EVI5: variants seen among roughly 807,000 people sequenced by gnomAD.
EVI5 encodes ecotropic viral integration site 5 protein homolog.
A neutral mutation model predicts 112.0 loss-of-function variants in EVI5; 73 were observed. That is an observed-to-expected ratio of 0.65 (90% CI 0.54 to 0.79). The LOEUF is 0.79. Among genes scored for constraint, EVI5 ranks in the 30% least tolerant of loss-of-function variants. The pLI is 0.00. For missense variants in EVI5, 900 were observed against 968.8 expected (o/e 0.93, Z 0.94); for synonymous variants, 305 against 319.9 (o/e 0.95, Z 0.50).
At chr1:92,562,732 C>A (rs1668821517) in intron 19 of EVI5, among the ~76,000 whole-genome samples, 1 of 152,172 alleles carries the variant, frequency 6.6e-6, no homozygotes, top group African/African-American at 2.4e-5. Context: ...AACTCTTAGA[C>A]TGACTACCTC....
rs188489582 is a variant in EVI5 at position 92,684,948 on chromosome 1, T to C, written c.1098-7730A>G. Among the ~76,000 whole-genome samples, 326 of 151,926 alleles carry C rather than the reference T, an allele frequency of 2.1e-3. 2 individuals are homozygous for C. Among genetic ancestry groups the C allele is most frequent in the African/African-American group, 6.7e-3 (276 of 41,390 alleles). The stretch of plus-strand genomic sequence containing the variant: ...CAAAGAGACTTAGACTCCTACACAA[T>C]AATAATGGGAGACTTTAACACCCCA... On this transcript the variant is annotated intron_variant, in intron 9 of 19. Coordinates refer to ENST00000684568, the MANE Select transcript of EVI5 (RefSeq NM_001350197.2).
At chr1:92,775,240 C>T (rs1683960056) in intron 1 of EVI5, among the ~76,000 whole-genome samples, 1 of 151,956 alleles carries the variant, frequency 6.6e-6, no homozygotes, top group African/African-American at 2.4e-5. Context: ...CCAACCTGGC[C>T]AACGTGGTGA....
chr1:92,657,025 C>T (rs1331173428), intron 13 of EVI5, among the ~76,000 whole-genome samples: 2 of 152,110 alleles, frequency 1.3e-5, no homozygotes, highest in Non-Finnish European at 2.9e-5. Context: ...TCCTCCTTAA[C>T]TCATTCTATG....
intron 14 of EVI5, among the ~76,000 whole-genome samples, chr1:92,633,666 C>A (rs553342943): frequency 9.2e-5 from 14 of 152,262 alleles, no homozygotes; most frequent in South Asian, 2.1e-4. Context: ...CATTTAGCCC[C>A]TTTACATTTA....
intron 13 of EVI5, among the ~76,000 whole-genome samples, chr1:92,658,009 C>T (rs977281971): frequency 6.6e-6 from 1 of 152,160 alleles, no homozygotes; most frequent in African/African-American, 2.4e-5. Context: ...GGTACCACCT[C>T]CAACAATGAG....
chr1:92,756,981 A>G, intron 1 of EVI5: 1 of 234,340 alleles, frequency 4.3e-6, no homozygotes, highest in East Asian at 1.1e-4. Flanking sequence ...GTAATAACTG[A>G]CCCAGACTGC....
At chr1:92,523,208 G>A (rs1319030434) in intron 19 of EVI5, among the ~76,000 whole-genome samples, 1 of 151,934 alleles carries the variant, frequency 6.6e-6, no homozygotes, top group African/African-American at 2.4e-5. Context: ...TTTTATTATG[G>A]AATATTTTTT....
chr1:92,632,141 C>CT (rs909753451), intron 14 of EVI5, among the ~76,000 whole-genome samples: 7 of 152,114 alleles, frequency 4.6e-5, no homozygotes, highest in African/African-American at 1.4e-4. Context: ...CTAAAATTCT[C>CT]TTTTTTTCAT....
chr1:92,750,276 T>G (rs964668198), intron 1 of EVI5, among the ~76,000 whole-genome samples: 1 of 151,904 alleles, frequency 6.6e-6, no homozygotes, highest in African/African-American at 2.4e-5. Flanking sequence ...ATCAATGAAC[T>G]AGAAGAGCCG....
chr1:92,791,413 G>C (rs1686080789), intron 1 of EVI5, among the ~76,000 whole-genome samples: 1 of 152,124 alleles, frequency 6.6e-6, no homozygotes, highest in Non-Finnish European at 1.5e-5. Flanking sequence ...AAGCACTGAA[G>C]TGACAGTTAA....
chr1:92,750,412 T>G (rs947702577), intron 1 of EVI5, among the ~76,000 whole-genome samples: 3 of 152,184 alleles, frequency 2.0e-5, no homozygotes, highest in Non-Finnish European at 4.4e-5. Flanking sequence ...AACAAGATAA[T>G]GAATACATGA....
At chr1:92,654,111 G>C (rs1397639809) in intron 13 of EVI5, among the ~76,000 whole-genome samples, 1 of 152,004 alleles carries the variant, frequency 6.6e-6, no homozygotes, top group Non-Finnish European at 1.5e-5. Context: ...CCCCTGCTAG[G>C]GGGTGAGCAG....
At chr1:92,643,291 CTTTTT>C (rs34807551) in intron 13 of EVI5, among the ~76,000 whole-genome samples, 49 of 123,054 alleles carry the variant, frequency 4.0e-4, no homozygotes, top group Admixed American at 6.6e-4. Context: ...TAACTCAAAT[CTTTTT>C]TTTTTTTTTT....
At chr1:92,528,981 T>C (rs979460693) in intron 19 of EVI5, among the ~76,000 whole-genome samples, 2 of 152,152 alleles carry the variant, frequency 1.3e-5, no homozygotes, top group East Asian at 1.9e-4. Context: ...AGAAATAATA[T>C]CTATAAAAGA....
chr1:92,715,627 C>T (rs1288712653), intron 2 of EVI5, among the ~76,000 whole-genome samples: 1 of 152,128 alleles, frequency 6.6e-6, no homozygotes, highest in Non-Finnish European at 1.5e-5. Context: ...GGGTGCAGCC[C>T]ACAGAGGGCG....
chr1:92,639,585 T>A (rs1440574505), intron 13 of EVI5, among the ~76,000 whole-genome samples: 1 of 152,188 alleles, frequency 6.6e-6, no homozygotes, highest in Admixed American at 6.5e-5. Context: ...AAGTTCAAGA[T>A]ATGACATTTA....
chr1:92,755,890 GC>G, intron 1 of EVI5: 1 of 169,896 alleles, frequency 5.9e-6, no homozygotes, highest in Non-Finnish European at 1.3e-5. Context: ...AGCTGAAGTT[GC>G]CCTCATACAA....
intron 1 of EVI5, among the ~76,000 whole-genome samples, chr1:92,771,065 C>T (rs1018761585): frequency 2.0e-5 from 3 of 151,924 alleles, no homozygotes; most frequent in Non-Finnish European, 4.4e-5. Context: ...ATCCACCCAC[C>T]TCGGCCTCCC....
chr1:92,598,362 C>G (rs1648387777), intron 18 of EVI5, among the ~76,000 whole-genome samples: 1 of 151,976 alleles, frequency 6.6e-6, no homozygotes, highest in South Asian at 2.1e-4. Flanking sequence ...TGTTTATCTA[C>G]AAACCTTCAC....
Sources: allele counts gnomAD v4.1 joint callset (sites outside exome capture counted in the v4.1 genomes callset), GRCh38; gene constraint gnomAD v4.1.1; transcripts MANE v1.5; gene names NCBI Gene and HGNC (gene_info 2026-07-23, HGNC 2026-07-21).